DNAH11: variants seen among roughly 807,000 people sequenced by gnomAD.
DNAH11 encodes axonemal beta dynein heavy chain 11.
A neutral mutation model predicts 526.0 loss-of-function variants in DNAH11; 442 were observed. The observed-to-expected ratio is 0.84, with a 90% CI of 0.78 to 0.91. The LOEUF (loss-of-function observed/expected upper bound fraction) is 0.91. DNAH11 is among the 40% of genes least tolerant of loss of function. DNAH11 has a pLI of 0.00. For missense variants in DNAH11, 6,989 were observed against 5,448.7 expected (o/e 1.28, Z -8.90); for synonymous variants, 2,461 against 1,935.9 (o/e 1.27, Z -7.12).
chr7:21,639,460 AG>A (rs1245240105), intron 28 of DNAH11, among the ~76,000 whole-genome samples: 1 of 152,138 alleles, frequency 6.6e-6, no homozygotes, highest in Non-Finnish European at 1.5e-5. Flanking sequence ...CTCCCTCCAG[AG>A]TCACCTTCAT....
intron 30 of DNAH11, among the ~76,000 whole-genome samples, chr7:21,665,671 A>G (rs1016966732): frequency 2.6e-5 from 4 of 152,132 alleles, no homozygotes; most frequent in Admixed American, 6.6e-5. Context: ...CTAGAGTTAA[A>G]TAGTGCTTCT....
rs763644686 is a variant in DNAH11 at position 21,559,718 on chromosome 7, C to T, written c.808C>T (p.Leu270Phe). 6.2e-7 allele frequency: 1 copy of T among 1,609,666 alleles called. No homozygotes were observed. The highest frequency in any genetic ancestry group is 1.7e-5 in the Admixed American group (1 of 59,494). The change falls in exon 4 of 82, where the codon CTT becomes TTT. Residue 270 changes from leucine to phenylalanine, a missense_variant. By Grantham distance (22) the Leu-to-Phe change is conservative (BLOSUM62 0). Coordinates refer to ENST00000409508, the MANE Select transcript of DNAH11 (RefSeq NM_001277115.2). ...RDSVQRLLNG[L>F]HLSPQAELDF... Reference sequence around the variant, plus strand: ...TTCAGTGCAGCGTTTGTTGAATGGTCTTCACTTGTCTCCTCAAGCAGAACT... The same window carrying T: ...TTCAGTGCAGCGTTTGTTGAATGGTTTTCACTTGTCTCCTCAAGCAGAACT...
chr7:21,732,016 G>T (rs772474742), intron 45 of DNAH11, among the ~76,000 whole-genome samples: 1 of 152,156 alleles, frequency 6.6e-6, no homozygotes, highest in Non-Finnish European at 1.5e-5. Flanking sequence ...TATATATGGG[G>T]TTCTGTACCG....
rs202150841 is a variant in DNAH11 at position 21,601,618 on chromosome 7, G to A, written c.3648G>A (p.Glu1216=). ...CTGAGCAGGTCTATATTCAGCTAGAGGTAAGTGCAGAGGTGAAATAATCAT... is the reference window on the plus strand; with the variant it reads ...CTGAGCAGGTCTATATTCAGCTAGAAGTAAGTGCAGAGGTGAAATAATCAT... ...KMPEQVYIQL[E]ELPERWETTK... is the part of the protein sequence containing the mutation. The change falls in exon 18 of 82, where the codon GAG becomes GAA. Residue 1216 remains glutamate (E), a splice_region_variant and synonymous_variant. Coordinates refer to ENST00000409508, the MANE Select transcript of DNAH11 (RefSeq NM_001277115.2). 5.9e-5 allele frequency: 92 copies of A among 1,562,904 alleles called. No individual in the cohort carries two copies. Among genetic ancestry groups the A allele is most frequent in the Non-Finnish European group, 4.1e-5 (47 of 1,150,752 alleles).
intron 77 of DNAH11, among the ~76,000 whole-genome samples, chr7:21,894,314 A>G (rs371958021): frequency 6.6e-6 from 1 of 152,296 alleles, no homozygotes. Flanking sequence ...AGCTGATGAC[A>G]GTTCTATACT....
chr7:21,845,848 T>C (rs1406440264), intron 66 of DNAH11, among the ~76,000 whole-genome samples: 2 of 152,194 alleles, frequency 1.3e-5, no homozygotes, highest in Non-Finnish European at 2.9e-5. Context: ...GGCTTAACAA[T>C]ATTGAGACTT....
At chr7:21,884,857 CT>C (rs1200721755) in intron 76 of DNAH11, among the ~76,000 whole-genome samples, 1 of 152,068 alleles carries the variant, frequency 6.6e-6, no homozygotes, top group Non-Finnish European at 1.5e-5. Context: ...ACTAAAGTTT[CT>C]TTTCTGCCTG....
At chr7:21,790,295 A>G (rs1427477963) in intron 61 of DNAH11, among the ~76,000 whole-genome samples, 3 of 152,020 alleles carry the variant, frequency 2.0e-5, no homozygotes, top group Non-Finnish European at 4.4e-5. Flanking sequence ...AAATACAAAA[A>G]GAAATTTAGC....
chr7:21,750,733 G>A (rs973861511), intron 54 of DNAH11, among the ~76,000 whole-genome samples: 1 of 152,184 alleles, frequency 6.6e-6, no homozygotes, highest in African/African-American at 2.4e-5. Context: ...TGGTCATCCT[G>A]GAGGAAATGA....
rs970894597 is a variant in DNAH11 at position 21,606,638 on chromosome 7, A to G, written c.3766-9A>G. On this transcript the variant is annotated splice_polypyrimidine_tract_variant and intron_variant, in intron 19 of 81. Transcript: ENST00000409508. Reference sequence around the variant, plus strand: ...CACTTTTTTTTTTTTTTTTTTTTGCAATGATCAGGCAAAGCAGGCAGAGTT... The same window carrying G: ...CACTTTTTTTTTTTTTTTTTTTTGCGATGATCAGGCAAAGCAGGCAGAGTT... 4 of 1,128,282 alleles carry G rather than the reference A, an allele frequency of 3.5e-6. No homozygotes were observed. The African/African-American group carries it at 7.6e-5, about 21-fold the overall frequency. The allele number at this position is 1,128,282 out of a possible 1,614,324, so 69.9% of individuals were successfully genotyped here.
chr7:21,871,310 T>C (rs777675548), intron 73 of DNAH11, among the ~76,000 whole-genome samples: 4 of 152,326 alleles, frequency 2.6e-5, no homozygotes, highest in African/African-American at 4.8e-5. Context: ...TTCCAAGACA[T>C]ATAGATTGTC....
intron 5 of DNAH11, among the ~76,000 whole-genome samples, chr7:21,563,702 A>T (rs1423347523): frequency 6.6e-6 from 1 of 152,182 alleles, no homozygotes; most frequent in African/African-American, 2.4e-5. Flanking sequence ...TTTATTAATG[A>T]TATAATTTTT....
chr7:21,841,913 T>C (rs1397175679), intron 65 of DNAH11, among the ~76,000 whole-genome samples: 1 of 152,226 alleles, frequency 6.6e-6, no homozygotes, highest in African/African-American at 2.4e-5. Context: ...TTCTGCTTTG[T>C]ACACATTTAT....
chr7:21,705,357 G>C, intron 38 of DNAH11, 103 bp from the exon 39 acceptor site: 2 of 1,075,656 alleles, frequency 1.9e-6, no homozygotes, highest in Non-Finnish European at 2.8e-6. Context: ...GTCAGTGGGG[G>C]CTGGCTTGGG....
chr7:21,581,088 C>A lies in DNAH11; in HGVS notation c.1594-817C>A, dbSNP rs115555062. ...TGCTAACTGTCATTAATTCTATTAC[C>A]GTTGTTATTGTTAATAGATTGAGGC... On this transcript the variant is annotated intron_variant, in intron 8 of 81. Transcript: ENST00000409508. Among the ~76,000 whole-genome samples, 432 of 152,222 alleles carry A rather than the reference C, an allele frequency of 2.8e-3. 1 individual carries two copies. The highest frequency in any genetic ancestry group is 0.01 in the African/African-American group (420 of 41,532).
At chr7:21,836,608 A>T (rs6960274) in intron 65 of DNAH11, among the ~76,000 whole-genome samples, 19,359 of 152,194 alleles carry the variant, frequency 0.13, 1,502 homozygotes, top group East Asian at 0.3. Flanking sequence ...TAGATGAAAG[A>T]CTTAAATGTA....
In DNAH11 at chr7:21,543,446, G is replaced by A; in HGVS notation, c.201G>A (p.Ala67=). The change falls in exon 1 of 82, where the codon GCG becomes GCA. Residue 67 remains alanine (A), a synonymous_variant. Coordinates refer to ENST00000409508, the MANE Select transcript of DNAH11 (RefSeq NM_001277115.2). ...TGCGCTTCCTCGGCGGCCGCCTGGC[G>A]ATGATGCTGGGGTTCACGGAGGAGA... ...ARVRFLGGRL[A]MMLGFTEEKW... 6.4e-7 allele frequency: 1 copy of A among 1,566,858 alleles called. No individual in the cohort carries two copies. Among genetic ancestry groups the A allele is most frequent in the East Asian group, 2.4e-5 (1 of 42,416 alleles).
chr7:21,781,086 G>C (rs754186815), intron 57 of DNAH11, among the ~76,000 whole-genome samples: 34 of 152,192 alleles, frequency 2.2e-4, no homozygotes, highest in Non-Finnish European at 3.7e-4. Flanking sequence ...CATGCTCTGT[G>C]TTCACATTTG....
intron 20 of DNAH11, among the ~76,000 whole-genome samples, chr7:21,612,744 T>C (rs896526588): frequency 3.9e-5 from 6 of 152,068 alleles, no homozygotes; most frequent in African/African-American, 9.7e-5. Context: ...GAAAAAAATA[T>C]AGATCAGTCT....
Sources: gnomAD v4.1 joint callset for allele counts (sites outside exome capture counted in the v4.1 genomes callset) on GRCh38, gnomAD v4.1.1 for gene constraint, MANE v1.5 for transcripts, NCBI Gene and HGNC (gene_info 2026-07-23, HGNC 2026-07-21) for gene names.